Variants in MICAL3 observed in about 807,000 individuals in gnomAD.
MICAL3 encodes [F-actin]-monooxygenase MICAL3.
In MICAL3, 62 loss-of-function variants were observed where a neutral mutation model predicts 207.4. The observed-to-expected ratio is 0.30, with a 90% confidence interval of 0.24 to 0.37. MICAL3 has a LOEUF of 0.37. MICAL3 is among the 10% of genes least tolerant of loss of function. MICAL3 has a pLI of 1.00. For missense variants in MICAL3, 2,368 were observed against 2,635.6 expected (o/e 0.90, Z 2.22); for synonymous variants, 1,077 against 1,069.3 (o/e 1.01, Z -0.14).
In MICAL3 at chr22:17,858,419, C is replaced by T. The variant is rs546839177; in HGVS notation, c.2605+6480G>A. 23 of 979,660 alleles carry T rather than the reference C, an allele frequency of 2.3e-5. No homozygotes were observed. In the East Asian group the frequency reaches 2.6e-3, roughly 112 times the overall value. The allele number at this position is 979,660 out of a possible 1,614,324, so 60.7% of individuals were successfully genotyped here. A position where few individuals can be genotyped will look rare whatever the true frequency, so the allele number is the denominator to read the frequency against. ...GCAAGGTAAGGGCTGGTTTTTGAGT[C>T]TAAAGGAGGTTTCAGGGCTTCGTGA... is the stretch of plus-strand genomic sequence containing the variant. On this transcript the variant is annotated intron_variant, in intron 19 of 31. Transcript: ENST00000441493.
At chr22:17,884,284 C>T in intron 16 of MICAL3, 1 of 1,588,806 alleles carries the variant, frequency 6.3e-7, no homozygotes, top group Non-Finnish European at 8.5e-7. Context: ...CCTGTTTCCA[C>T]CGGGGGGTGG....
intron 15 of MICAL3, among the ~76,000 whole-genome samples, chr22:17,886,607 C>T (rs934589379): frequency 3.3e-5 from 5 of 151,994 alleles, no homozygotes; most frequent in African/African-American, 1.2e-4. Flanking sequence ...GAGTTCGAGA[C>T]CAGCCTGGCC....
intron 1 of MICAL3, among the ~76,000 whole-genome samples, chr22:17,929,568 C>CTTTTTTTTTTTTTTTTTT (rs67222681): frequency 9.2e-6 from 1 of 108,900 alleles, no homozygotes. Flanking sequence ...CTTTTCTTTT[C>CTTTTTTTTTTTTTTTTTT]TTTTTTTTTT....
intron 1 of MICAL3, among the ~76,000 whole-genome samples, chr22:17,977,068 G>T (rs1935692409): frequency 6.6e-6 from 1 of 152,070 alleles, no homozygotes; most frequent in East Asian, 1.9e-4. Flanking sequence ...CTCCCAAAGT[G>T]CTGGGATTAC....
At chr22:17,832,133 G>T (rs1013106162) in intron 20 of MICAL3, 26 bp from the exon 21 acceptor site, 7 of 1,553,542 alleles carry the variant, frequency 4.5e-6, no homozygotes, top group African/African-American at 2.7e-5. Flanking sequence ...CACATAGCCA[G>T]AGTGAGGGAA....
chr22:17,971,478 T>A (rs1208713610), intron 1 of MICAL3, among the ~76,000 whole-genome samples: 1 of 152,078 alleles, frequency 6.6e-6, no homozygotes, highest in Admixed American at 6.6e-5. Flanking sequence ...AGACTCCATG[T>A]CAAAACAAAC....
chr22:17,817,171 A>G (rs741456), intron 26 of MICAL3, 140 bp downstream of exon 26: 344,234 of 1,043,500 alleles, frequency 0.33, 59,885 homozygotes, highest in African/African-American at 0.45. Context: ...CCCATGGTTC[A>G]GTCCCTTCTC....
chr22:17,883,838 C>A (rs986365178), intron 16 of MICAL3, among the ~76,000 whole-genome samples: 13 of 152,330 alleles, frequency 8.5e-5, no homozygotes, highest in African/African-American at 3.1e-4. Context: ...AGACTATTTT[C>A]CTGGATAACA....
Position 17,900,821 on chromosome 22 carries a change from T to C in MICAL3, c.847+21A>G, listed in dbSNP as rs1351628159. 1.2e-6 allele frequency: 2 copies of C among 1,613,288 alleles called. No homozygotes were observed. Among genetic ancestry groups the C allele is most frequent in the Non-Finnish European group, 1.7e-6 (2 of 1,179,386 alleles). ...ACTATTTAAGTTTCTATCCTAGGGC[T>C]CCGGAGACATCAACACCAACCTGTG... is the stretch of plus-strand genomic sequence containing the variant. On this transcript the variant is annotated intron_variant, in intron 6 of 31. Transcript: ENST00000441493. This position sits in a 1 kb window ranked among gnomAD's most constrained non-coding sequence, Gnocchi z 4.0.
At chr22:17,897,116 C>T (rs1930912442) in intron 7 of MICAL3, 135 bp from the exon 8 acceptor site, 5 of 915,668 alleles carry the variant, frequency 5.5e-6, no homozygotes, top group South Asian at 1.7e-5. Context: ...ACTTTTATAC[C>T]ATTAAAATGG....
rs565667574 is a variant in MICAL3, at chr22:17,850,400, GTTTTTTT to G, written c.2606-8390_2606-8384del. On this transcript the variant is annotated intron_variant, in intron 19 of 31. Coordinates refer to ENST00000441493, the MANE Select transcript of MICAL3 (RefSeq NM_015241.3). Reference sequence around the variant, plus strand: ...CTGTGGAACTTTTGCTTTTGAATTAGTTTTTTTTTTTTTTTTTTTTTTTTTTTTGAGA... The same window carrying G: ...CTGTGGAACTTTTGCTTTTGAATTAGTTTTTTTTTTTTTTTTTTTTTGAGA... Among the ~76,000 whole-genome samples, 21 of 74,412 alleles carry G rather than the reference GTTTTTTT, an allele frequency of 2.8e-4. 1 individual carries two copies. Among genetic ancestry groups the G allele is most frequent in the South Asian group, 4.9e-4 (1 of 2,052 alleles). The allele number at this position is 74,412 out of a possible 152,430, so 48.8% of individuals were successfully genotyped here. A position where few individuals can be genotyped will look rare whatever the true frequency, so the allele number is the denominator to read the frequency against.
intron 7 of MICAL3, 129 bp downstream of exon 7, chr22:17,899,319 G>A (rs1208112782): frequency 1.4e-6 from 1 of 724,828 alleles, no homozygotes; most frequent in Non-Finnish European, 2.5e-6. Flanking sequence ...AAAACATCAG[G>A]GGTTACCAGA....
chr22:17,864,939 T>A lies in MICAL3; in HGVS notation c.2565A>T (p.Gly855=). The change falls in exon 19 of 32, where the codon GGA becomes GGT. Residue 855 remains glycine, a synonymous_variant. Coordinates refer to ENST00000441493, the MANE Select transcript of MICAL3 (RefSeq NM_015241.3). The part of the protein sequence containing the change: ...LQDGATTDAN[G]RANAVASSTE... ...TGGAGCTGGCCACGGCGTTGGCCCG[T>A]CCGTTTGCATCTGTGGTGGCGCCAT... 1 of 1,613,640 alleles carries A rather than the reference T, an allele frequency of 6.2e-7. No individual in the cohort carries two copies. The highest frequency in any genetic ancestry group is 2.2e-5 in the East Asian group (1 of 44,852).
chr22:17,802,494 G>A (rs939255273), intron 29 of MICAL3, among the ~76,000 whole-genome samples: 2 of 152,158 alleles, frequency 1.3e-5, no homozygotes, highest in East Asian at 1.9e-4. Flanking sequence ...TGGTCGTTGA[G>A]TGTGGAGGTC....
chr22:17,917,381 C>T (rs902575996), intron 1 of MICAL3, among the ~76,000 whole-genome samples: 1 of 152,116 alleles, frequency 6.6e-6, no homozygotes, highest in African/African-American at 2.4e-5. Flanking sequence ...CAAAACCTTG[C>T]CCCCGTCTGC....
intron 20 of MICAL3, chr22:17,834,220 A>G (rs1923113977): frequency 9.2e-7 from 1 of 1,087,112 alleles, no homozygotes; most frequent in Admixed American, 5.1e-5. Flanking sequence ...GAGTTTGCTC[A>G]ATGACACATT....
intron 19 of MICAL3, among the ~76,000 whole-genome samples, chr22:17,844,527 C>T (rs1444378811): frequency 3.9e-5 from 6 of 152,240 alleles, no homozygotes; most frequent in Non-Finnish European, 4.4e-5. Context: ...GTTGGAATTA[C>T]TGGCATCCTC....
intron 22 of MICAL3, among the ~76,000 whole-genome samples, chr22:17,826,275 G>C (rs374018882): frequency 1.4e-5 from 1 of 73,388 alleles, no homozygotes; most frequent in East Asian, 2.3e-4. Context: ...TGAAGGGGGG[G>C]TGTGCGTCTG....
In MICAL3 at chr22:17,794,470, C is replaced by T. The variant is rs530267049; in HGVS notation, c.5651-3169G>A. Among the ~76,000 whole-genome samples the T allele has an allele frequency of 4.6e-5, 7 of 152,360 alleles. No homozygotes were observed. The South Asian group carries it at 8.3e-4, about 18-fold the overall frequency. Reference sequence around the variant, plus strand: ...GAGTCTGTGGGGGCAGCACGCCATCCGGTGACGGGCCTCCAGGACGCTCAC... The same window carrying T: ...GAGTCTGTGGGGGCAGCACGCCATCTGGTGACGGGCCTCCAGGACGCTCAC... On this transcript the variant is annotated intron_variant, in intron 29 of 31. Transcript: ENST00000441493.
Sources: gnomAD v4.1 joint callset for allele counts (sites outside exome capture counted in the v4.1 genomes callset) on GRCh38, gnomAD v4.1.1 for gene constraint, Gnocchi (gnomAD v3.1) non-coding constraint, MANE v1.5 for transcripts, NCBI Gene and HGNC (gene_info 2026-07-23, HGNC 2026-07-21) for gene names.